Variants in MEST observed in about 807,000 individuals in gnomAD.
The protein encoded by MEST is mesoderm-specific transcript homolog protein.
MEST carries 18 observed loss-of-function variants against 50.9 expected under a neutral mutation model. The observed-to-expected ratio is 0.35, with a 90% confidence interval of 0.24 to 0.52. The LOEUF (loss-of-function observed/expected upper bound fraction) is 0.52, where lower values mean the gene tolerates loss of function less well. Among genes scored for constraint, MEST ranks in the 20% least tolerant of loss-of-function variants. The pLI is 0.94. For synonymous variants in MEST, 130 were observed against 154.1 expected (o/e 0.84, Z 1.16); for missense variants, 282 against 425.3 (o/e 0.66, Z 2.96).
chr7:130,492,269 C>G lies in MEST; in HGVS notation c.-45C>G. On this transcript the variant is annotated 5_prime_UTR_variant, in exon 1 of 12. Coordinates refer to ENST00000223215, the MANE Select transcript of MEST (RefSeq NM_002402.4). This position sits in a 1 kb window ranked among gnomAD's most constrained non-coding sequence, Gnocchi z 7.6. ...GCACGGCTGCGGGCTCTGCGGCGCC[C>G]GGTGCTCTGCAACGCTGCGGCGGGC... The G allele has an allele frequency of 1.5e-6, 2 of 1,339,632 alleles. No individual in the cohort carries two copies. The highest frequency in any genetic ancestry group is 9.5e-7 in the Non-Finnish European group (1 of 1,047,160). The allele number at this position is 1,339,632 out of a possible 1,614,324, so 83.0% of individuals were successfully genotyped here.
chr7:130,500,560 C>G lies in MEST; in HGVS notation c.647+28C>G, dbSNP rs1363051330. 10 of 1,599,056 alleles carry G rather than the reference C, an allele frequency of 6.3e-6. No homozygotes were observed. The highest frequency in any genetic ancestry group is 8.5e-6 in the Non-Finnish European group (10 of 1,169,630). On this transcript the variant is annotated intron_variant, in intron 8 of 11. Coordinates refer to ENST00000223215, the MANE Select transcript of MEST (RefSeq NM_002402.4). This position sits in a 1 kb window ranked among gnomAD's most constrained non-coding sequence, Gnocchi z 5.0. Reference sequence around the variant, plus strand: ...AAGTGTCACTGTCAAAGATTGTGGCCTAGAGCAATGTCGTGAAAAGTTGCT... The same window carrying G: ...AAGTGTCACTGTCAAAGATTGTGGCGTAGAGCAATGTCGTGAAAAGTTGCT...
chr7:130,500,787 AGT>A lies in MEST; in HGVS notation c.648-1_648del. On this transcript the variant is annotated splice_acceptor_variant and coding_sequence_variant, in exon 9 of 12. Coordinates refer to ENST00000223215, the MANE Select transcript of MEST (RefSeq NM_002402.4). LOFTEE classifies it high-confidence loss of function. The surrounding 1 kb of genome is among the most constrained non-coding windows in gnomAD (Gnocchi z 5.0). ...ATCTTCCTGCGTTTTGGACTCTTTCAGTCTCACCCCAGTCTTTGGGCCGTATA... is the reference window on the plus strand; with the variant it reads ...ATCTTCCTGCGTTTTGGACTCTTTCACTCACCCCAGTCTTTGGGCCGTATA... The A allele has an allele frequency of 6.2e-7, 1 of 1,606,672 alleles. No homozygotes were observed. Among genetic ancestry groups the A allele is most frequent in the Non-Finnish European group, 8.5e-7 (1 of 1,177,394 alleles).
At chr7:130,495,101 G>A (rs1798991702) in intron 1 of MEST, among the ~76,000 whole-genome samples, 1 of 152,066 alleles carries the variant, frequency 6.6e-6, no homozygotes, top group African/African-American at 2.4e-5. Flanking sequence ...GGGGCTAAGG[G>A]GTTAAAGTCG....
Position 130,504,411 on chromosome 7 carries a change from G to C in MEST, c.890+415G>C, listed in dbSNP as rs576497829. ...ATTGTGGAAAAGTGCCTTCTCATTG[G>C]TTGCTATTCTCTCTAGGTACTTACT... is the stretch of plus-strand genomic sequence containing the variant. On this transcript the variant is annotated intron_variant, in intron 11 of 11. Transcript: ENST00000223215. Among the ~76,000 whole-genome samples the C allele has an allele frequency of 2.6e-5, 4 of 152,338 alleles. No homozygotes were observed. In the East Asian group the frequency reaches 5.8e-4, roughly 22 times the overall value.
At position 130,505,981 on chromosome 7, in the gene MEST, A is replaced by G. The variant is rs1799464129; in HGVS notation, c.*925A>G. 6.6e-6 allele frequency: 1 copy of G among 152,534 alleles called. No homozygotes were observed. Among genetic ancestry groups the G allele is most frequent in the Non-Finnish European group, 1.5e-5 (1 of 68,050 alleles). 9.4% of individuals were successfully genotyped at this position (152,534 alleles called of 1,614,324 possible). The stretch of plus-strand genomic sequence containing the variant: ...AGTCAAGTCACCATGCTGAATGTAC[A>G]CTGATTCCTTTATGATGACTGCTTA... On this transcript the variant is annotated 3_prime_UTR_variant, in exon 12 of 12. Coordinates refer to ENST00000223215, the MANE Select transcript of MEST (RefSeq NM_002402.4).
intron 1 of MEST, 72 bp from the exon 2 acceptor site, chr7:130,495,296 C>T (rs1799003921): frequency 4.8e-6 from 7 of 1,463,168 alleles, no homozygotes; most frequent in Non-Finnish European, 1.8e-6. Flanking sequence ...CCCCATCTTA[C>T]CAGGTTTTGG....
intron 9 of MEST, among the ~76,000 whole-genome samples, chr7:130,501,986 CA>C (rs3835383): frequency 0.56 from 67,262 of 121,180 alleles, 17,122 homozygotes; most frequent in East Asian, 0.63. Flanking sequence ...GACTCCGTCT[CA>C]AAAAAAAAAA....
At chr7:130,501,504 C>A (rs1262080891) in intron 9 of MEST, among the ~76,000 whole-genome samples, 2 of 152,142 alleles carry the variant, frequency 1.3e-5, no homozygotes, top group Non-Finnish European at 2.9e-5. Flanking sequence ...ATTTTCCTTT[C>A]CAAAAAGTAA....
chr7:130,500,162 A>G lies in MEST; in HGVS notation c.576+247A>G. 1.8e-6 allele frequency: 1 copy of G among 555,184 alleles called. No individual in the cohort carries two copies. Among genetic ancestry groups the G allele is most frequent in the Non-Finnish European group, 3.1e-6 (1 of 318,084 alleles). The allele number at this position is 555,184 out of a possible 1,614,324, so 34.4% of individuals were successfully genotyped here. On this transcript the variant is annotated intron_variant, in intron 7 of 11. Transcript: ENST00000223215. This position sits in a 1 kb window ranked among gnomAD's most constrained non-coding sequence, Gnocchi z 5.0. ...ATATTTGGAGAAATTACAGCTATGGAAAGATCTGTGTCACAAGCTTGATGT... is the reference window on the plus strand; with the variant it reads ...ATATTTGGAGAAATTACAGCTATGGGAAGATCTGTGTCACAAGCTTGATGT...
chr7:130,491,892 C>A (rs1288257999), upstream of MEST, among the ~76,000 whole-genome samples: 1 of 152,070 alleles, frequency 6.6e-6, no homozygotes, highest in Non-Finnish European at 1.5e-5. The surrounding 1 kb of genome is among the most constrained non-coding windows in gnomAD (Gnocchi z 6.8). Context: ...GGGGGCTCGA[C>A]ACCCCTGAAG....
Position 130,497,866 on chromosome 7 carries a change from G to A in MEST, c.262-70G>A. The A allele has an allele frequency of 1.4e-6, 2 of 1,414,452 alleles. No individual in the cohort carries two copies. Among genetic ancestry groups the A allele is most frequent in the Non-Finnish European group, 1.0e-6 (1 of 998,604 alleles). The allele number at this position is 1,414,452 out of a possible 1,614,324, so 87.6% of individuals were successfully genotyped here. On this transcript the variant is annotated intron_variant, in intron 3 of 11. Coordinates refer to ENST00000223215, the MANE Select transcript of MEST (RefSeq NM_002402.4). The surrounding 1 kb of genome is among the most constrained non-coding windows in gnomAD (Gnocchi z 4.0). ...AAGCCAAGATAGGGCTGAAGCTCCTGTGCAACTGTAGGTCTGGTGAAAGGG... is the reference window on the plus strand; with the variant it reads ...AAGCCAAGATAGGGCTGAAGCTCCTATGCAACTGTAGGTCTGGTGAAAGGG...
chr7:130,504,696 C>T (rs1193669511), intron 11 of MEST, among the ~76,000 whole-genome samples: 16 of 152,114 alleles, frequency 1.1e-4, no homozygotes, highest in African/African-American at 3.6e-4. Flanking sequence ...ACAATTGTTG[C>T]AAAAGTGTTA....
intron 5 of MEST, 49 bp downstream of exon 5, chr7:130,498,324 T>C (rs1554437694): frequency 6.2e-7 from 1 of 1,611,872 alleles, no homozygotes; most frequent in Non-Finnish European, 8.5e-7. Flanking sequence ...AAGTACATTG[T>C]TTCTGGACTG....
chr7:130,492,183 C>G lies in MEST; in HGVS notation c.-131C>G. 1 of 648,764 alleles carries G rather than the reference C, an allele frequency of 1.5e-6. No individual in the cohort carries two copies. Among genetic ancestry groups the G allele is most frequent in the Non-Finnish European group, 2.1e-6 (1 of 474,722 alleles). The allele number at this position is 648,764 out of a possible 1,614,324, so 40.2% of individuals were successfully genotyped here. On this transcript the variant is annotated 5_prime_UTR_variant, in exon 1 of 12. Coordinates refer to ENST00000223215, the MANE Select transcript of MEST (RefSeq NM_002402.4). The surrounding 1 kb of genome is among the most constrained non-coding windows in gnomAD (Gnocchi z 7.6). ...CGCCGGAGTGGCTGTAGCTGCCCGG[C>G]GCGGCGCCGCCCTGCGCGGGCTGTG...
rs1799427565 is a variant in MEST at position 130,505,016 on chromosome 7, G to A, written c.968G>A (p.Gly323Asp). ...SHYPQLEDPM[G>D]FLNAYMGFIN... Reference sequence around the variant, plus strand: ...TATCCACAGCTAGAGGATCCCATGGGCTTCTTGAATGCATATATGGGCTTC... The same window carrying A: ...TATCCACAGCTAGAGGATCCCATGGACTTCTTGAATGCATATATGGGCTTC... The change falls in exon 12 of 12, where the codon GGC (glycine) becomes GAC (aspartate). Residue 323 changes from glycine (G) to aspartate (D), a missense_variant. Transcript: ENST00000223215. The A allele has an allele frequency of 1.2e-6, 2 of 1,613,814 alleles. No homozygotes were observed. Among genetic ancestry groups the A allele is most frequent in the Non-Finnish European group, 1.7e-6 (2 of 1,179,776 alleles).
At chr7:130,488,806 A>G (rs1396167909), upstream of MEST, 8 of 152,226 alleles carry the variant, frequency 5.3e-5, no homozygotes, top group African/African-American at 1.9e-4. Context: ...GAACAGAATA[A>G]AATGCTTTCT....
intron 2 of MEST, chr7:130,496,214 G>T: frequency 2.2e-6 from 1 of 452,158 alleles, no homozygotes; most frequent in African/African-American, 2.1e-5. Context: ...AATTAAGTAA[G>T]TATACAATTT....
In MEST at chr7:130,497,361, AGCCAG is replaced by A; in HGVS notation, c.261+131_261+135del. ...GACCTGAGGTCAGGAGTTTGAGACC[AGCCAG>A]GCCAACATGGCAAAACCCCATCTCT... On this transcript the variant is annotated intron_variant, in intron 3 of 11. Coordinates refer to ENST00000223215, the MANE Select transcript of MEST (RefSeq NM_002402.4). This position sits in a 1 kb window ranked among gnomAD's most constrained non-coding sequence, Gnocchi z 4.0. 1.5e-6 allele frequency: 1 copy of A among 654,698 alleles called. No individual in the cohort carries two copies. The highest frequency in any genetic ancestry group is 2.5e-6 in the Non-Finnish European group (1 of 397,940). The allele number at this position is 654,698 out of a possible 1,614,324, so 40.6% of individuals were successfully genotyped here.
chr7:130,502,160 G>A (rs1179265977), intron 9 of MEST, among the ~76,000 whole-genome samples: 2 of 151,964 alleles, frequency 1.3e-5, no homozygotes, highest in African/African-American at 4.8e-5. Context: ...AGTTATAGCT[G>A]TAGTGAGCTA....
Sources: gnomAD v4.1 joint callset for allele counts (sites outside exome capture counted in the v4.1 genomes callset) on GRCh38, gnomAD v4.1.1 for gene constraint, Gnocchi (gnomAD v3.1) non-coding constraint, MANE v1.5 for transcripts, NCBI Gene and HGNC (gene_info 2026-07-23, HGNC 2026-07-21) for gene names.